The following MDGA2 variants were observed in gnomAD, a reference collection of about 807,000 sequenced individuals.
MDGA2 encodes the protein MAM domain containing glycosylphosphatidylinositol anchor 2.
Under a neutral mutation model 117.8 loss-of-function variants are expected in MDGA2, and 40 were observed. The ratio of observed to expected loss-of-function variants is 0.34; its 90% CI spans 0.26 to 0.44. The LOEUF is 0.44. Among genes scored for constraint, MDGA2 ranks in the 20% least tolerant of loss-of-function variants. The pLI is 1.00. For synonymous variants in MDGA2, 452 were observed against 439.0 expected, an observed-to-expected ratio of 1.03 and a Z score of -0.37; for missense variants, 1,123 against 1,250.6, an observed-to-expected ratio of 0.90 and a Z score of 1.54.
intron 3 of MDGA2, among the ~76,000 whole-genome samples, chr14:47,176,597 T>A (rs1884461234): frequency 6.6e-6 from 1 of 152,222 alleles, no homozygotes; most frequent in African/African-American, 2.4e-5. Flanking sequence ...TGACTGGCCA[T>A]ATGTAGAAAG....
intron 7 of MDGA2, among the ~76,000 whole-genome samples, chr14:47,048,934 C>A (rs1448551757): frequency 1.3e-5 from 2 of 151,972 alleles, no homozygotes; most frequent in Non-Finnish European, 2.9e-5. Flanking sequence ...AATTTTAAAA[C>A]CACATAAAAA....
intron 1 of MDGA2, among the ~76,000 whole-genome samples, chr14:47,351,170 C>T (rs1342744159): frequency 6.7e-6 from 1 of 150,334 alleles, no homozygotes; most frequent in Non-Finnish European, 1.5e-5. Context: ...CAACCTCTGC[C>T]TCCCGGGTTC....
chr14:47,537,887 T>C (rs1895256695), intron 1 of MDGA2, among the ~76,000 whole-genome samples: 1 of 152,168 alleles, frequency 6.6e-6, no homozygotes, highest in Admixed American at 6.5e-5. Context: ...TAATAAATAT[T>C]TAGGAACCAG....
chr14:47,289,583 T>A (rs540273683), intron 2 of MDGA2, among the ~76,000 whole-genome samples: 18 of 152,102 alleles, frequency 1.2e-4, no homozygotes, highest in African/African-American at 4.3e-4. Flanking sequence ...TTCATCGATG[T>A]TCATGTAACT....
intron 1 of MDGA2, among the ~76,000 whole-genome samples, chr14:47,664,079 C>T (rs1464051442): frequency 2.0e-5 from 3 of 152,140 alleles, no homozygotes; most frequent in African/African-American, 7.2e-5. Flanking sequence ...TGCTAACCAC[C>T]ACTGTTAAGG....
chr14:47,259,807 G>A lies in MDGA2; in HGVS notation c.420+41604C>T, dbSNP rs74876713. Among the ~76,000 whole-genome samples the A allele has an allele frequency of 6.6e-5, 10 of 152,164 alleles. No individual in the cohort carries two copies. The East Asian group carries it at 1.9e-3, about 29-fold the overall frequency. ...TCTGAGAGAGTAGAGAGGGACCCAG[G>A]GGCTGAGCAGGATGTTGCACATTTA... On this transcript the variant is annotated intron_variant, in intron 2 of 16. Transcript: ENST00000399232.
At chr14:47,490,214 C>A (rs1018588432) in intron 1 of MDGA2, among the ~76,000 whole-genome samples, 2 of 152,020 alleles carry the variant, frequency 1.3e-5, no homozygotes, top group African/African-American at 2.4e-5. Flanking sequence ...TTTTTGCATT[C>A]TAGTTTTCTG....
chr14:47,248,972 TTC>T (rs145914181), intron 2 of MDGA2, among the ~76,000 whole-genome samples: 5 of 136,150 alleles, frequency 3.7e-5, no homozygotes, highest in African/African-American at 5.4e-5. Flanking sequence ...TCTTCCTTCC[TTC>T]TCTCTCTTTC....
intron 3 of MDGA2, among the ~76,000 whole-genome samples, chr14:47,172,393 AC>A (rs1884193992): frequency 6.6e-6 from 1 of 151,636 alleles, no homozygotes; most frequent in Non-Finnish European, 1.5e-5. Flanking sequence ...ACTGGGAGGC[AC>A]CCCCAAGTAG....
intron 1 of MDGA2, among the ~76,000 whole-genome samples, chr14:47,649,609 TG>T (rs1897599786): frequency 6.6e-6 from 1 of 152,016 alleles, no homozygotes; most frequent in Non-Finnish European, 1.5e-5. Flanking sequence ...CGCTTGAACC[TG>T]GGAGGCAGAG....
intron 8 of MDGA2, among the ~76,000 whole-genome samples, chr14:47,032,027 A>G (rs1258977284): frequency 6.6e-6 from 1 of 152,106 alleles, no homozygotes; most frequent in Non-Finnish European, 1.5e-5. Context: ...CCAGGCATGC[A>G]TTTTTTTGTG....
At chr14:46,961,211 G>A (rs4453370) in intron 8 of MDGA2, among the ~76,000 whole-genome samples, 22,062 of 151,958 alleles carry the variant, frequency 0.15, 2,238 homozygotes, top group Non-Finnish European at 0.22. Context: ...TTATGGGTTT[G>A]AAATTTGTTG....
In MDGA2 at chr14:47,346,520, C is replaced by T. The variant is rs117799331; in HGVS notation, c.281-44970G>A. Reference sequence around the variant, plus strand: ...AAATCCCTTTCTTTCTGACCTTGGACAAATCCCAAACTTTCTGTTTTGGTT... The same window carrying T: ...AAATCCCTTTCTTTCTGACCTTGGATAAATCCCAAACTTTCTGTTTTGGTT... On this transcript the variant is annotated intron_variant, in intron 1 of 16. Transcript: ENST00000399232. 3.7e-3 allele frequency among the ~76,000 whole-genome samples: 569 copies of T among 152,290 alleles called. 1 individual carries two copies. Among genetic ancestry groups the T allele is most frequent in the Non-Finnish European group, 5.9e-3 (400 of 67,994 alleles).
At chr14:47,515,868 G>T (rs1894740709) in intron 1 of MDGA2, among the ~76,000 whole-genome samples, 1 of 152,086 alleles carries the variant, frequency 6.6e-6, no homozygotes, top group Non-Finnish European at 1.5e-5. Flanking sequence ...TTTCTCATCT[G>T]CAAATAGTAC....
chr14:47,666,704 C>G (rs879969990), intron 1 of MDGA2, among the ~76,000 whole-genome samples: 4 of 152,174 alleles, frequency 2.6e-5, no homozygotes, highest in Admixed American at 6.5e-5. Flanking sequence ...AGTGGCAACC[C>G]GCTTGGGTCC....
chr14:46,932,852 C>G (rs372664884), intron 9 of MDGA2, among the ~76,000 whole-genome samples: 4 of 151,324 alleles, frequency 2.6e-5, no homozygotes, highest in African/African-American at 9.7e-5. Context: ...GCAAATGACA[C>G]GATTATCAGC....
chr14:47,498,831 G>C (rs1894337477), intron 1 of MDGA2, among the ~76,000 whole-genome samples: 1 of 151,986 alleles, frequency 6.6e-6, no homozygotes, highest in African/African-American at 2.4e-5. Flanking sequence ...AGCAGTTTTT[G>C]GCATATATAT....
intron 2 of MDGA2, among the ~76,000 whole-genome samples, chr14:47,274,887 T>C (rs1425802279): frequency 6.6e-6 from 1 of 152,134 alleles, no homozygotes; most frequent in African/African-American, 2.4e-5. Context: ...TCTATTCAGA[T>C]CCTTTGCCCA....
intron 6 of MDGA2, among the ~76,000 whole-genome samples, chr14:47,076,615 TA>T (rs1451660393): frequency 6.6e-6 from 1 of 151,802 alleles, no homozygotes; most frequent in Non-Finnish European, 1.5e-5. Flanking sequence ...CATTATTTTT[TA>T]AAAACATCTT....
Sources: allele counts gnomAD v4.1 joint callset (sites outside exome capture counted in the v4.1 genomes callset), GRCh38; gene constraint gnomAD v4.1.1; transcripts MANE v1.5; gene names NCBI Gene and HGNC (gene_info 2026-07-23, HGNC 2026-07-21).